BRF1: variants seen among roughly 807,000 people sequenced by gnomAD.
BRF1 encodes the protein transcription factor IIIB 90 kDa subunit.
BRF1 carries 59 observed loss-of-function variants against 81.7 expected under a neutral mutation model. The observed-to-expected ratio is 0.72, with a 90% CI of 0.59 to 0.90. The LOEUF (loss-of-function observed/expected upper bound fraction) is 0.90, where lower values mean the gene tolerates loss of function less well. Among genes scored for constraint, BRF1 ranks in the 40% least tolerant of loss-of-function variants. The pLI is 0.00. For synonymous variants in BRF1, 491 were observed against 395.6 expected, an observed-to-expected ratio of 1.24 and a Z score of -2.86; for missense variants, 1,050 against 936.3, an observed-to-expected ratio of 1.12 and a Z score of -1.58.
At chr14:105,247,496 C>T (rs1376962242) in intron 5 of BRF1, 1 of 985,222 alleles carries the variant, frequency 1.0e-6, no homozygotes, top group Non-Finnish European at 1.2e-6. Context: ...TGTAGTTGCT[C>T]CTCCATCCTG....
In BRF1 at chr14:105,209,648, T is replaced by C. The variant is rs1438267652; in HGVS notation, c.*903A>G. On this transcript the variant is annotated 3_prime_UTR_variant, in exon 18 of 18. Transcript: ENST00000547530. Reference sequence around the variant, plus strand: ...TCGGGCCTCCGTCTGCCCTCCCTCCTCGATGGGGGGCCTGATCCAGCTCTG... The same window carrying C: ...TCGGGCCTCCGTCTGCCCTCCCTCCCCGATGGGGGGCCTGATCCAGCTCTG... The C allele has an allele frequency of 1.5e-6, 1 of 686,174 alleles. No homozygotes were observed. The allele number at this position is 686,174 out of a possible 1,614,324, so 42.5% of individuals were successfully genotyped here. A position where few individuals can be genotyped will look rare whatever the true frequency, so the allele number is the denominator to read the frequency against.
chr14:105,244,871 C>A (rs2054974258), intron 5 of BRF1, among the ~76,000 whole-genome samples: 1 of 151,062 alleles, frequency 6.6e-6, no homozygotes, highest in Non-Finnish European at 1.5e-5. Context: ...TGAAAATGAC[C>A]AGGTATGATA....
intron 5 of BRF1, chr14:105,242,152 G>A (rs1331956954): frequency 6.6e-6 from 1 of 152,466 alleles, no homozygotes; most frequent in African/African-American, 2.4e-5. Flanking sequence ...TTCCAGCTGA[G>A]GGTGTCCATA....
intron 10 of BRF1, 147 bp downstream of exon 10, chr14:105,225,922 A>G: frequency 1.3e-6 from 1 of 779,464 alleles, no homozygotes; most frequent in East Asian, 2.7e-5. Flanking sequence ...CTGGGATTAC[A>G]GGCGTGAGCC....
chr14:105,211,436 G>A (rs958802993), intron 16 of BRF1, 143 bp from the exon 17 acceptor site: 23 of 713,116 alleles, frequency 3.2e-5, no homozygotes, highest in Middle Eastern at 3.7e-4. Flanking sequence ...AGGGCTCCCA[G>A]GCCCACTGGC....
rs751341944 is a variant in BRF1, at chr14:105,221,926, C to T, written c.1049-12G>A. ...GTCCTCGGTGGAGCCTAGGTGTACACAATCCACCTGTTAACCAGGCAGAGG... is the reference window on the plus strand; with the variant it reads ...GTCCTCGGTGGAGCCTAGGTGTACATAATCCACCTGTTAACCAGGCAGAGG... On this transcript the variant is annotated splice_polypyrimidine_tract_variant and intron_variant, in intron 10 of 17. Coordinates refer to ENST00000547530, the MANE Select transcript of BRF1 (RefSeq NM_001519.4). 10 of 1,560,056 alleles carry T rather than the reference C, an allele frequency of 6.4e-6. No homozygotes were observed. The highest frequency in any genetic ancestry group is 8.6e-6 in the Non-Finnish European group (10 of 1,158,082).
In BRF1 at chr14:105,228,689, C is replaced by T. The variant is rs1351790410; in HGVS notation, c.788+131G>A. 4.0e-6 allele frequency: 4 copies of T among 1,005,586 alleles called. No individual in the cohort carries two copies. In the African/African-American group the frequency reaches 4.8e-5, roughly 12 times the overall value. The allele number at this position is 1,005,586 out of a possible 1,614,324, so 62.3% of individuals were successfully genotyped here. On this transcript the variant is annotated intron_variant, in intron 7 of 17. Coordinates refer to ENST00000547530, the MANE Select transcript of BRF1 (RefSeq NM_001519.4). ...AAGCCATAGTGTGACCGGGGCTGGG[C>T]TAGGTCCTGGCCAGCAGCCAGGCGG... is the stretch of plus-strand genomic sequence containing the variant.
Position 105,249,930 on chromosome 14 carries a change from A to G in BRF1, c.544+2577T>C, listed in dbSNP as rs781741794. 1.9e-6 allele frequency: 3 copies of G among 1,611,562 alleles called. No homozygotes were observed. In the South Asian group the frequency reaches 3.3e-5, roughly 18 times the overall value. On this transcript the variant is annotated intron_variant, in intron 5 of 17. Transcript: ENST00000547530. ...ACGCTGGAGATCATTGTCACTCGGGAGGCCCTCAACACCAAAGAGGCGGTG... is the reference window on the plus strand; with the variant it reads ...ACGCTGGAGATCATTGTCACTCGGGGGGCCCTCAACACCAAAGAGGCGGTG...
chr14:105,310,035 C>G (rs892103456), intron 1 of BRF1, among the ~76,000 whole-genome samples: 1 of 151,620 alleles, frequency 6.6e-6, no homozygotes, highest in Non-Finnish European at 1.5e-5. Flanking sequence ...CCACCCGCCT[C>G]GGCCTCCCAA....
At chr14:105,280,171 C>T (rs1566860691) in intron 2 of BRF1, among the ~76,000 whole-genome samples, 1 of 152,276 alleles carries the variant, frequency 6.6e-6, no homozygotes, top group African/African-American at 2.4e-5. Context: ...GATAAATCAA[C>T]TGTGGCGCAC....
intron 5 of BRF1, among the ~76,000 whole-genome samples, chr14:105,242,928 C>T (rs928763700): frequency 1.3e-5 from 2 of 151,660 alleles, no homozygotes; most frequent in Non-Finnish European, 2.9e-5. Flanking sequence ...CCACCCTGGG[C>T]AACATGGTGA....
At chr14:105,216,631 C>T (rs1207919504) in intron 15 of BRF1, among the ~76,000 whole-genome samples, 2 of 152,190 alleles carry the variant, frequency 1.3e-5, no homozygotes, top group Non-Finnish European at 2.9e-5. Context: ...CCAACTCTCG[C>T]GGGGTGCAGT....
intron 17 of BRF1, 98 bp downstream of exon 17, chr14:105,211,024 A>G: frequency 6.6e-6 from 10 of 1,511,162 alleles, no homozygotes; most frequent in Non-Finnish European, 8.8e-6. Flanking sequence ...ACAGAAATTT[A>G]GTTTGAAGCT....
chr14:105,241,242 C>T lies in BRF1; in HGVS notation c.694+23G>A, dbSNP rs1445964415. ...GGCCAGGACCCAGACCAGCATCCCC[C>T]AGGCAGGCAGGGCCCGCTGTACCTG... On this transcript the variant is annotated intron_variant, in intron 6 of 17. Coordinates refer to ENST00000547530, the MANE Select transcript of BRF1 (RefSeq NM_001519.4). The T allele has an allele frequency of 3.7e-6, 6 of 1,607,480 alleles. No individual in the cohort carries two copies. The South Asian group carries it at 5.5e-5, about 15-fold the overall frequency.
intron 1 of BRF1, among the ~76,000 whole-genome samples, chr14:105,287,287 A>G (rs1007808247): frequency 3.9e-5 from 6 of 152,220 alleles, no homozygotes; most frequent in African/African-American, 2.4e-5. Context: ...TGATCTCCCA[A>G]TGAGCATGGT....
At chr14:105,313,976 A>T (rs1019243410) in intron 1 of BRF1, among the ~76,000 whole-genome samples, 4 of 152,222 alleles carry the variant, frequency 2.6e-5, no homozygotes, top group Non-Finnish European at 1.5e-5. Context: ...GGCCCCAGAC[A>T]TTTGTTCTCC....
At chr14:105,264,523 C>T (rs587697885) in intron 3 of BRF1, among the ~76,000 whole-genome samples, 9 of 151,864 alleles carry the variant, frequency 5.9e-5, no homozygotes, top group South Asian at 2.1e-4. Context: ...AAAAATTAGC[C>T]GGGCATGGTG....
Position 105,216,772 on chromosome 14 carries a change from TC to T in BRF1, c.1772+771del, listed in dbSNP as rs1891390231. On this transcript the variant is annotated intron_variant, in intron 15 of 17. Transcript: ENST00000547530. ...AAGCAGCTGGAGACAACGCAAGAGA[TC>T]CCAAGAAGCAGTAGGACCAGCAGAC... is the stretch of plus-strand genomic sequence containing the variant. Among the ~76,000 whole-genome samples, 3 of 151,854 alleles carry T rather than the reference TC, an allele frequency of 2.0e-5. No homozygotes were observed. In the South Asian group the frequency reaches 6.2e-4, roughly 32 times the overall value.
At chr14:105,304,719 G>A (rs55757119), upstream of BRF1, among the ~76,000 whole-genome samples, 2 of 152,168 alleles carry the variant, frequency 1.3e-5, no homozygotes, top group East Asian at 3.9e-4. Flanking sequence ...GTAGTTCCAC[G>A]TGGCTGCAGA....
Sources: allele counts gnomAD v4.1 joint callset (sites outside exome capture counted in the v4.1 genomes callset), GRCh38; gene constraint gnomAD v4.1.1; transcripts MANE v1.5; gene names NCBI Gene and HGNC (gene_info 2026-07-23, HGNC 2026-07-21).